The following GPHN variants were observed in gnomAD, a reference collection of about 807,000 sequenced individuals.
GPHN encodes the protein gephyrin.
Under a neutral mutation model 95.5 loss-of-function variants are expected in GPHN, and 17 were observed. The ratio of observed to expected loss-of-function variants is 0.18; its 90% CI spans 0.12 to 0.27. The LOEUF (loss-of-function observed/expected upper bound fraction) is 0.27, where lower values mean the gene tolerates loss of function less well. GPHN is among the 10% of genes least tolerant of loss of function. The pLI, the probability that GPHN is intolerant of heterozygous loss-of-function variation, is 1.00. For synonymous variants in GPHN, 320 were observed against 322.5 expected (o/e 0.99, Z 0.08); for missense variants, 660 against 978.1 (o/e 0.67, Z 4.34).
chr14:67,044,509 C>A (rs2153637995), intron 10 of GPHN, among the ~76,000 whole-genome samples: 1 of 152,186 alleles, frequency 6.6e-6, no homozygotes, highest in Admixed American at 6.5e-5. Context: ...TTCCCCAGGA[C>A]ATGTTAGCTG....
chr14:66,942,731 T>C lies in GPHN; in HGVS notation c.828+18439T>C, dbSNP rs555221735. ...GATTAAACACCGTTTGGCAATCCCA[T>C]GTAACTAAATATGCCAAATAATCCT... On this transcript the variant is annotated intron_variant, in intron 8 of 22. Transcript: ENST00000478722. Among the ~76,000 whole-genome samples the C allele has an allele frequency of 2.1e-3, 326 of 152,322 alleles. 2 individuals carry two copies. The highest frequency in any genetic ancestry group is 4.0e-3 in the Non-Finnish European group (271 of 68,014).
the GPHN span, chr14:67,397,635 A>G: frequency 1.3e-6 from 2 of 1,590,224 alleles, no homozygotes; most frequent in Admixed American, 3.4e-5. Flanking sequence ...AACAGAGAGG[A>G]GCTGGACAGC....
At chr14:67,554,725 G>T in the GPHN span, among the ~76,000 whole-genome samples, 1 of 152,178 alleles carries the variant, frequency 6.6e-6, no homozygotes, top group Non-Finnish European at 1.5e-5. Context: ...AAGCTGCAAA[G>T]AGATGCCATG....
At chr14:67,507,121 C>T in the GPHN span, among the ~76,000 whole-genome samples, 1 of 152,150 alleles carries the variant, frequency 6.6e-6, no homozygotes, top group East Asian at 1.9e-4. Context: ...TAGCCTTGCC[C>T]TTTCAGGTAG....
At chr14:67,353,085 A>G in the GPHN span, 9 of 1,451,988 alleles carry the variant, frequency 6.2e-6, no homozygotes, top group Non-Finnish European at 9.5e-7. Flanking sequence ...CTCATTGTTT[A>G]AAAGACAAAA....
At chr14:67,055,779 T>A (rs1567267718) in intron 10 of GPHN, among the ~76,000 whole-genome samples, 1 of 152,230 alleles carries the variant, frequency 6.6e-6, no homozygotes, top group Non-Finnish European at 1.5e-5. Context: ...GTTACAGTTC[T>A]TAAAGATGGT....
intron 2 of GPHN, among the ~76,000 whole-genome samples, chr14:66,720,610 T>C (rs1176136375): frequency 6.6e-6 from 1 of 152,196 alleles, no homozygotes; most frequent in Non-Finnish European, 1.5e-5. Flanking sequence ...AAGCTGACCA[T>C]CATATCTAAT....
intron 2 of GPHN, among the ~76,000 whole-genome samples, chr14:66,683,666 T>C (rs1319328957): frequency 6.7e-6 from 1 of 149,040 alleles, no homozygotes; most frequent in Non-Finnish European, 1.5e-5. Context: ...ATATCAGAAA[T>C]TTTTTTTGTG....
the GPHN span, chr14:67,651,099 T>C: frequency 2.2e-6 from 2 of 919,488 alleles, no homozygotes; most frequent in East Asian, 5.3e-5. Context: ...GTAAATGTAT[T>C]TGGTTTTTTG....
intron 3 of GPHN, among the ~76,000 whole-genome samples, chr14:66,819,106 T>C (rs1311939829): frequency 6.6e-6 from 1 of 152,238 alleles, no homozygotes; most frequent in Non-Finnish European, 1.5e-5. Context: ...ATCCCAGTTG[T>C]CAATTTTTGC....
the GPHN span, among the ~76,000 whole-genome samples, chr14:67,218,851 C>T: frequency 1.3e-5 from 2 of 151,914 alleles, no homozygotes; most frequent in East Asian, 3.9e-4. Context: ...ATAAGACTGT[C>T]GTACTCTCCC....
intron 8 of GPHN, among the ~76,000 whole-genome samples, chr14:66,926,920 G>C (rs902489800): frequency 6.6e-6 from 1 of 151,958 alleles, no homozygotes; most frequent in African/African-American, 2.4e-5. Context: ...TCAATTTCTT[G>C]CAAAAATGTT....
At chr14:67,169,087 G>A (rs774370522) in intron 21 of GPHN, 51 bp downstream of exon 21, 2 of 1,069,914 alleles carry the variant, frequency 1.9e-6, no homozygotes, top group South Asian at 1.2e-5. Context: ...GTAACAGTTA[G>A]GGATATGATT....
At chr14:67,647,840 T>A in the GPHN span, 1 of 577,926 alleles carries the variant, frequency 1.7e-6, no homozygotes, top group Non-Finnish European at 3.1e-6. Context: ...AATGGCAGTA[T>A]CATGAAGTGG....
the GPHN span, among the ~76,000 whole-genome samples, chr14:67,666,131 C>T: frequency 2.3e-4 from 35 of 152,326 alleles, no homozygotes; most frequent in Admixed American, 5.9e-4. Context: ...CTGATCCAAG[C>T]CAGACAGTAA....
the GPHN span, among the ~76,000 whole-genome samples, chr14:67,195,723 G>GTA: frequency 5.3e-5 from 8 of 150,696 alleles, no homozygotes; most frequent in Non-Finnish European, 1.0e-4. Flanking sequence ...TTGTGTGTGT[G>GTA]TGTGTGTGTG....
intron 1 of GPHN, among the ~76,000 whole-genome samples, chr14:66,630,016 G>T (rs546453978): frequency 6.6e-6 from 1 of 152,180 alleles, no homozygotes; most frequent in Admixed American, 6.5e-5. Context: ...AATTAAATTG[G>T]TTTATTAAAT....
At chr14:67,706,454 A>G in the GPHN span, among the ~76,000 whole-genome samples, 2 of 152,202 alleles carry the variant, frequency 1.3e-5, no homozygotes, top group African/African-American at 4.8e-5. Flanking sequence ...GGTTTTATAC[A>G]TTCTAGGGAG....
At position 67,017,382 on chromosome 14, in the gene GPHN, A is replaced by G. The variant is rs78099028; in HGVS notation, c.964-6251A>G. ...GAGTTATTGGCTTAATGTTATTTAA[A>G]TCAAACTTTTGCTTCTGTTTCTGGG... is the stretch of plus-strand genomic sequence containing the variant. On this transcript the variant is annotated intron_variant, in intron 9 of 22. Coordinates refer to ENST00000478722, the MANE Select transcript of GPHN (RefSeq NM_020806.5). Among the ~76,000 whole-genome samples the G allele has an allele frequency of 6.9e-3, 1,056 of 152,234 alleles. 5 individuals are homozygous for G. Among genetic ancestry groups the G allele is most frequent in the Non-Finnish European group, 0.011 (758 of 67,958 alleles).
Sources: allele counts gnomAD v4.1 joint callset (sites outside exome capture counted in the v4.1 genomes callset), GRCh38; gene constraint gnomAD v4.1.1; transcripts MANE v1.5; gene names NCBI Gene and HGNC (gene_info 2026-07-23, HGNC 2026-07-21).